The following ATP2A1 variants were observed in gnomAD, a reference collection of about 807,000 sequenced individuals.
ATP2A1 encodes the protein sarcoplasmic/endoplasmic reticulum calcium ATPase 1.
ATP2A1 carries 83 observed loss-of-function variants against 109.5 expected under a neutral mutation model. That is an observed-to-expected ratio of 0.76 (90% CI 0.63 to 0.91). The LOEUF is 0.91. ATP2A1 is among the 40% of genes least tolerant of loss of function. The probability of loss-of-function intolerance (pLI) is 0.00; values close to 1 mark genes in which losing one functional copy is unlikely to be tolerated. For missense variants in ATP2A1, 1,101 were observed against 1,341.0 expected, an observed-to-expected ratio of 0.82 and a Z score of 2.80; for synonymous variants, 505 against 537.6, an observed-to-expected ratio of 0.94 and a Z score of 0.84.
rs1964109352 is a variant in ATP2A1, at chr16:28,902,508, C to T, written c.2525-72C>T. 1 of 1,568,946 alleles carries T rather than the reference C, an allele frequency of 6.4e-7. No individual in the cohort carries two copies. The highest frequency in any genetic ancestry group is 8.7e-7 in the Non-Finnish European group (1 of 1,145,712). ...TCCTTGGCCAGCCTGTCCATGGCCACATGAGGCCCTCAACCCTCGATGCCC... is the reference window on the plus strand; with the variant it reads ...TCCTTGGCCAGCCTGTCCATGGCCATATGAGGCCCTCAACCCTCGATGCCC... On this transcript the variant is annotated intron_variant, in intron 17 of 22. Transcript: ENST00000395503. The surrounding 1 kb of genome is among the most constrained non-coding windows in gnomAD (Gnocchi z 4.8).
At chr16:28,884,769 G>A in intron 6 of ATP2A1, 114 bp downstream of exon 6, 1 of 1,054,156 alleles carries the variant, frequency 9.5e-7, no homozygotes, top group South Asian at 1.6e-5. Flanking sequence ...AACATAAAGA[G>A]ACCCTGTCTC....
Position 28,880,803 on chromosome 16 carries a change from T to C in ATP2A1, c.220-112T>C, listed in dbSNP as rs1025535357. The C allele has an allele frequency of 1.1e-5, 12 of 1,081,268 alleles. No homozygotes were observed. The highest frequency in any genetic ancestry group is 1.6e-5 in the Non-Finnish European group (11 of 704,210). The allele number at this position is 1,081,268 out of a possible 1,614,324, so 67.0% of individuals were successfully genotyped here. A position where few individuals can be genotyped will look rare whatever the true frequency, so the allele number is the denominator to read the frequency against. ...GCGCCCCGACGGTGCCCGGCCCTCC[T>C]GCTGGCTCCTGCACTCTCCTGCACA... On this transcript the variant is annotated intron_variant, in intron 3 of 22. Coordinates refer to ENST00000395503, the MANE Select transcript of ATP2A1 (RefSeq NM_004320.6). This position sits in a 1 kb window ranked among gnomAD's most constrained non-coding sequence, Gnocchi z 4.2.
intron 6 of ATP2A1, among the ~76,000 whole-genome samples, chr16:28,885,533 A>G (rs1278125859): frequency 6.6e-6 from 1 of 151,850 alleles, no homozygotes. Flanking sequence ...TAGTAGAGAC[A>G]GGGTTTTACC....
At position 28,884,560 on chromosome 16, in the gene ATP2A1, C is replaced by G; in HGVS notation, c.464-15C>G. Reference sequence around the variant, plus strand: ...CATTCCCAAGTGACCTCCCTCTTCCCTACTCTCTCCACAGTGGGGGACAAA... The same window carrying G: ...CATTCCCAAGTGACCTCCCTCTTCCGTACTCTCTCCACAGTGGGGGACAAA... On this transcript the variant is annotated splice_polypyrimidine_tract_variant and intron_variant, in intron 5 of 22. Transcript: ENST00000395503. 1 of 1,610,314 alleles carries G rather than the reference C, an allele frequency of 6.2e-7. No homozygotes were observed. Among genetic ancestry groups the G allele is most frequent in the Non-Finnish European group, 8.5e-7 (1 of 1,177,198 alleles).
At chr16:28,895,701 A>G (rs866373337) in intron 12 of ATP2A1, among the ~76,000 whole-genome samples, 7 of 151,808 alleles carry the variant, frequency 4.6e-5, no homozygotes, top group African/African-American at 9.7e-5. Flanking sequence ...AAGAAAGAAA[A>G]AAAAAAGAAA....
chr16:28,882,923 C>G (rs544166455), intron 5 of ATP2A1, among the ~76,000 whole-genome samples: 1 of 152,360 alleles, frequency 6.6e-6, no homozygotes, highest in South Asian at 2.1e-4. Context: ...TGGCTTCCCC[C>G]TCCTTCCACC....
At chr16:28,891,123 C>T (rs1052386191) in intron 9 of ATP2A1, among the ~76,000 whole-genome samples, 3 of 151,824 alleles carry the variant, frequency 2.0e-5, no homozygotes, top group Admixed American at 1.3e-4. Flanking sequence ...TGGAGAAACC[C>T]CGTCTCTACT....
chr16:28,889,480 A>G, intron 9 of ATP2A1, among the ~76,000 whole-genome samples: 1 of 151,464 alleles, frequency 6.6e-6, no homozygotes, highest in Non-Finnish European at 1.5e-5. Context: ...CTGGTCTTGA[A>G]CTCCTGGCCT....
Position 28,894,410 on chromosome 16 carries a change from C to T in ATP2A1, c.1185-95C>T, listed in dbSNP as rs114754480. The T allele has an allele frequency of 9.9e-4, 1,335 of 1,344,522 alleles. 11 individuals carry two copies. The African/African-American group carries it at 0.018, about 18-fold the overall frequency. The allele number at this position is 1,344,522 out of a possible 1,614,324, so 83.3% of individuals were successfully genotyped here. ...TGGCTCTCCCCACTGTCCTTCCTTA[C>T]CCTCTGCTGCCTGCTCTTCCTGTGC... On this transcript the variant is annotated intron_variant, in intron 10 of 22. Coordinates refer to ENST00000395503, the MANE Select transcript of ATP2A1 (RefSeq NM_004320.6).
rs966842136 is a variant in ATP2A1, at chr16:28,888,929, C to T, written c.1071C>T (p.Thr357=). ...GTTCCGACAAGACAGGCACCCTCAC[C>T]ACCAACCAGATGTCTGTCTGCAAGG... The part of the protein sequence containing the change: ...VICSDKTGTL[T]TNQMSVCKMF... Residue 357 remains threonine (T), a synonymous_variant, in exon 9 of 23, where the codon ACC becomes ACT. Coordinates refer to ENST00000395503, the MANE Select transcript of ATP2A1 (RefSeq NM_004320.6). The T allele has an allele frequency of 3.7e-6, 6 of 1,614,056 alleles. No homozygotes were observed. The South Asian group carries it at 6.6e-5, about 18-fold the overall frequency.
At chr16:28,879,644 C>G in intron 3 of ATP2A1, 61 bp downstream of exon 3, 1 of 1,539,810 alleles carries the variant, frequency 6.5e-7, no homozygotes, top group Non-Finnish European at 8.9e-7. Flanking sequence ...CGGGCGAATG[C>G]GGGGCTCGCA....
At position 28,883,823 on chromosome 16, in the gene ATP2A1, A is replaced by C. The variant is rs765914583; in HGVS notation, c.464-752A>C. On this transcript the variant is annotated intron_variant, in intron 5 of 22. Coordinates refer to ENST00000395503, the MANE Select transcript of ATP2A1 (RefSeq NM_004320.6). This position sits in a 1 kb window ranked among gnomAD's most constrained non-coding sequence, Gnocchi z 5.2. Reference sequence around the variant, plus strand: ...TGTCCCATCCCATCCTGTCTTGTCCATGTCCCCAGCTCACTCTCCCTGGCT... The same window carrying C: ...TGTCCCATCCCATCCTGTCTTGTCCCTGTCCCCAGCTCACTCTCCCTGGCT... Among the ~76,000 whole-genome samples, 3 of 151,266 alleles carry C rather than the reference A, an allele frequency of 2.0e-5. No homozygotes were observed. Among genetic ancestry groups the C allele is most frequent in the Non-Finnish European group, 2.9e-5 (2 of 67,816 alleles).
chr16:28,900,102 C>T (rs543188869), intron 14 of ATP2A1, among the ~76,000 whole-genome samples: 12 of 151,830 alleles, frequency 7.9e-5, no homozygotes, highest in Middle Eastern at 3.4e-3. Context: ...TGAGACCAGC[C>T]TGGGCAACAT....
At position 28,902,963 on chromosome 16, in the gene ATP2A1, A is replaced by G. The variant is rs766012072; in HGVS notation, c.2744+52A>G. On this transcript the variant is annotated intron_variant, in intron 19 of 22. Coordinates refer to ENST00000395503, the MANE Select transcript of ATP2A1 (RefSeq NM_004320.6). This position sits in a 1 kb window ranked among gnomAD's most constrained non-coding sequence, Gnocchi z 4.8. ...ACCCTCCCCTGAGGCCACTGCCCAC[A>G]TCCTCCACTGTGCCGCCCACCTCCT... 6 of 1,609,882 alleles carry G rather than the reference A, an allele frequency of 3.7e-6. No homozygotes were observed. The highest frequency in any genetic ancestry group is 5.1e-6 in the Non-Finnish European group (6 of 1,179,000).
chr16:28,893,316 G>GGA (rs1963827679), intron 9 of ATP2A1, among the ~76,000 whole-genome samples: 1 of 151,778 alleles, frequency 6.6e-6, no homozygotes, highest in South Asian at 2.1e-4. Context: ...TGAGGTGGGA[G>GGA]GATCACTTGA....
intron 4 of ATP2A1, among the ~76,000 whole-genome samples, chr16:28,882,056 C>A (rs974146991): frequency 2.0e-5 from 3 of 151,122 alleles, no homozygotes; most frequent in Non-Finnish European, 4.4e-5. Context: ...CGTGCCTCAG[C>A]CTCCCAAGTA....
rs1021904906 is a variant in ATP2A1, at chr16:28,879,084, C to A, written c.119-15C>A. The A allele has an allele frequency of 6.2e-6, 10 of 1,613,934 alleles. No individual in the cohort carries two copies. The highest frequency in any genetic ancestry group is 8.5e-6 in the Non-Finnish European group (10 of 1,179,972). On this transcript the variant is annotated splice_polypyrimidine_tract_variant and intron_variant, in intron 1 of 22. Transcript: ENST00000395503. ...CCCCAAATGAATCTGTCCTTTTCTT[C>A]TTTTTCCTGGGTAGAGCTCCCTGCT...
rs142960166 is a variant in ATP2A1 at position 28,880,424 on chromosome 16, C to T, written c.220-491C>T. Among the ~76,000 whole-genome samples, 4 of 152,374 alleles carry T rather than the reference C, an allele frequency of 2.6e-5. No individual in the cohort carries two copies. In the East Asian group the frequency reaches 5.8e-4, roughly 22 times the overall value. On this transcript the variant is annotated intron_variant, in intron 3 of 22. Transcript: ENST00000395503. The surrounding 1 kb of genome is among the most constrained non-coding windows in gnomAD (Gnocchi z 4.2). The stretch of plus-strand genomic sequence containing the variant: ...ACATTTGCCTGCTGCCTGGCGGTGG[C>T]AACAGCTGGGGCGGGGCGCGCGCAG...
Position 28,898,112 on chromosome 16 carries a change from A to G in ATP2A1, c.1532A>G (p.Lys511Arg). The G allele has an allele frequency of 1.2e-6, 2 of 1,614,136 alleles. No individual in the cohort carries two copies. Among genetic ancestry groups the G allele is most frequent in the South Asian group, 1.1e-5 (1 of 91,088 alleles). ...TCTTCCCGGGCTGCTGTGGGCAACA[A>G]GATGTTTGTCAAGGTCAGAAATCGG... Reference protein sequence around the residue: ...AKSSRAAVGNKMFVKGAPEGV... With the variant: ...AKSSRAAVGNRMFVKGAPEGV... The change falls in exon 13 of 23, where the codon AAG becomes AGG. Residue 511 changes from lysine to arginine, a missense_variant. Physicochemically the swap from Lys to Arg is conservative, Grantham distance 26. Coordinates refer to ENST00000395503, the MANE Select transcript of ATP2A1 (RefSeq NM_004320.6). This position sits in a 1 kb window ranked among gnomAD's most constrained non-coding sequence, Gnocchi z 4.0.
Sources: allele counts gnomAD v4.1 joint callset (sites outside exome capture counted in the v4.1 genomes callset), GRCh38; gene constraint gnomAD v4.1.1; non-coding constraint Gnocchi (gnomAD v3.1); transcripts MANE v1.5; gene names NCBI Gene and HGNC (gene_info 2026-07-23, HGNC 2026-07-21).